The following ASB15 variants were observed in gnomAD, a reference collection of about 807,000 sequenced individuals.
ASB15 encodes the protein ankyrin repeat and SOCS box containing 15.
ASB15 carries 54 observed loss-of-function variants against 58.0 expected under a neutral mutation model. That is an observed-to-expected ratio of 0.93 (90% CI 0.75 to 1.17). ASB15 has a LOEUF of 1.17. Ranked by LOEUF, ASB15 falls within the 50% of genes most tolerant of loss-of-function variation. The pLI, the probability that ASB15 is intolerant of heterozygous loss-of-function variation, is 0.00. For missense variants in ASB15, 680 were observed against 707.4 expected (o/e 0.96, Z 0.44); for synonymous variants, 249 against 262.4 (o/e 0.95, Z 0.50).
intron 1 of ASB15, among the ~76,000 whole-genome samples, chr7:123,592,233 C>G (rs1799559693): frequency 6.6e-6 from 1 of 151,966 alleles, no homozygotes; most frequent in Admixed American, 6.6e-5. Context: ...TTTTGTTGAT[C>G]TTTTCAAAAA....
chr7:123,623,133 G>C (rs770629222), intron 7 of ASB15: 2 of 152,106 alleles, frequency 1.3e-5, no homozygotes, highest in Non-Finnish European at 2.9e-5. Flanking sequence ...TAAACTCTAC[G>C]AGTGAGATCC....
chr7:123,603,539 G>A (rs1799990427), intron 1 of ASB15, among the ~76,000 whole-genome samples: 1 of 150,900 alleles, frequency 6.6e-6, no homozygotes, highest in African/African-American at 2.5e-5. Flanking sequence ...TTTTCTGGGA[G>A]GGTGCAAAAT....
chr7:123,634,983 T>C (rs1802340049), intron 11 of ASB15, among the ~76,000 whole-genome samples: 1 of 152,162 alleles, frequency 6.6e-6, no homozygotes, highest in Admixed American at 6.6e-5. Flanking sequence ...TCAGCAAAGT[T>C]CAGGCTGTGG....
chr7:123,629,489 T>G, intron 10 of ASB15, 55 bp downstream of exon 10: 1 of 1,367,528 alleles, frequency 7.3e-7, no homozygotes, highest in Non-Finnish European at 9.9e-7. Flanking sequence ...TTAATACATG[T>G]TCATTCAATT....
At chr7:123,589,534 T>C (rs1004659827) in intron 1 of ASB15, among the ~76,000 whole-genome samples, 1 of 152,102 alleles carries the variant, frequency 6.6e-6, no homozygotes, top group Non-Finnish European at 1.5e-5. Flanking sequence ...TGTGTTCTCA[T>C]TATTCAACTC....
chr7:123,630,182 A>C (rs1468606767), intron 11 of ASB15, 63 bp downstream of exon 11: 93 of 1,273,146 alleles, frequency 7.3e-5, no homozygotes, highest in Non-Finnish European at 1.0e-4. Flanking sequence ...GAAATTTCTT[A>C]ATGTCTTCTT....
intron 3 of ASB15, among the ~76,000 whole-genome samples, chr7:123,612,981 C>A (rs1015166742): frequency 1.3e-5 from 2 of 151,198 alleles, no homozygotes; most frequent in Non-Finnish European, 2.9e-5. Context: ...CTCTAGGGTG[C>A]CTTTTGAGGA....
At chr7:123,589,837 T>C (rs1372590910) in intron 1 of ASB15, among the ~76,000 whole-genome samples, 1 of 152,230 alleles carries the variant, frequency 6.6e-6, no homozygotes, top group Admixed American at 6.5e-5. Flanking sequence ...ATATACCCAG[T>C]AATGGGATCG....
At chr7:123,570,489 G>C (rs34731479) in intron 1 of ASB15, among the ~76,000 whole-genome samples, 1 of 151,742 alleles carries the variant, frequency 6.6e-6, no homozygotes, top group Non-Finnish European at 1.5e-5. Flanking sequence ...TCCTTGAATG[G>C]CCTTTTCTTT....
At chr7:123,631,765 A>C (rs1562942133) in intron 11 of ASB15, among the ~76,000 whole-genome samples, 1 of 152,166 alleles carries the variant, frequency 6.6e-6, no homozygotes, top group Non-Finnish European at 1.5e-5. Context: ...TAAAAAGTCA[A>C]GAAAACTAAA....
chr7:123,611,459 T>A (rs961322499), intron 3 of ASB15, among the ~76,000 whole-genome samples: 1 of 142,542 alleles, frequency 7.0e-6, no homozygotes, highest in Non-Finnish European at 1.6e-5. Flanking sequence ...CGTACCTAAT[T>A]TTTTTTGTAT....
At chr7:123,602,991 T>C (rs1248127260) in intron 1 of ASB15, among the ~76,000 whole-genome samples, 1 of 152,194 alleles carries the variant, frequency 6.6e-6, no homozygotes, top group Non-Finnish European at 1.5e-5. Flanking sequence ...AATTATGTCA[T>C]AGACGTTAAG....
rs550822805 is a variant in ASB15 at position 123,626,472 on chromosome 7, C to CATAA, written c.698-616_698-613dup. 8.8e-3 allele frequency among the ~76,000 whole-genome samples: 1,340 copies of CATAA among 151,974 alleles called. 11 individuals are homozygous for CATAA. Among genetic ancestry groups the CATAA allele is most frequent in the South Asian group, 0.018 (85 of 4,814 alleles). On this transcript the variant is annotated intron_variant, in intron 8 of 11. Coordinates refer to ENST00000451215, the MANE Select transcript of ASB15 (RefSeq NM_001290258.2). ...GGTCGACAGAGTGAGATTCTGTCAA[C>CATAA]ATAAATAAATAAATAAATAAATAAA... is the stretch of plus-strand genomic sequence containing the variant.
At chr7:123,587,705 A>G (rs1469299522) in intron 1 of ASB15, among the ~76,000 whole-genome samples, 2 of 151,710 alleles carry the variant, frequency 1.3e-5, no homozygotes, top group Non-Finnish European at 3.0e-5. Flanking sequence ...GTTGAGGTAC[A>G]TTCTTTCTAT....
At chr7:123,618,990 A>C (rs1215346118) in intron 7 of ASB15, among the ~76,000 whole-genome samples, 1 of 152,092 alleles carries the variant, frequency 6.6e-6, no homozygotes, top group South Asian at 2.1e-4. Context: ...CCTGGCCAGC[A>C]TGGTGAAACC....
chr7:123,614,613 G>C lies in ASB15; in HGVS notation c.107+4G>C, dbSNP rs1270062951. 1.3e-6 allele frequency: 2 copies of C among 1,571,374 alleles called. No individual in the cohort carries two copies. The highest frequency in any genetic ancestry group is 1.8e-6 in the Non-Finnish European group (2 of 1,142,792). On this transcript the variant is annotated splice_donor_region_variant and intron_variant, in intron 4 of 11. Transcript: ENST00000451215. ...AGACTGCACTTTGTCCTGAAAGGTA[G>C]TATTCAAACCAACTATCCTCAGCAA... is the stretch of plus-strand genomic sequence containing the variant.
In ASB15 at chr7:123,639,008, A is replaced by G. The variant is rs1352291878; in HGVS notation, c.*2027A>G. The G allele has an allele frequency of 6.6e-6, 1 of 152,230 alleles. No homozygotes were observed. Among genetic ancestry groups the G allele is most frequent in the Non-Finnish European group, 1.5e-5 (1 of 68,032 alleles). The allele number at this position is 152,230 out of a possible 1,614,324, so 9.4% of individuals were successfully genotyped here. A position where few individuals can be genotyped will look rare whatever the true frequency, so the allele number is the denominator to read the frequency against. On this transcript the variant is annotated 3_prime_UTR_variant, in exon 12 of 12. Coordinates refer to ENST00000451215, the MANE Select transcript of ASB15 (RefSeq NM_001290258.2). ...TATTGAATAAGTGACAAAAATAATC[A>G]GTGACATCATGGTGAAATAATAGTT...
chr7:123,635,692 T>C (rs1178667740), intron 11 of ASB15, among the ~76,000 whole-genome samples: 2 of 145,846 alleles, frequency 1.4e-5, no homozygotes, highest in South Asian at 2.4e-4. Context: ...GTTTCCATCA[T>C]ACTTTACTGC....
In ASB15 at chr7:123,638,327, C is replaced by T. The variant is rs1324501626; in HGVS notation, c.*1346C>T. On this transcript the variant is annotated 3_prime_UTR_variant, in exon 12 of 12. Transcript: ENST00000451215. ...CTTCTTTAGCCTCATCTCTGGATGT[C>T]TACCTTTCCTCCTTTCCCTTGAACC... The T allele has an allele frequency of 6.6e-6, 1 of 152,164 alleles. No individual in the cohort carries two copies. The highest frequency in any genetic ancestry group is 1.9e-4 in the East Asian group (1 of 5,196). The allele number at this position is 152,164 out of a possible 1,614,324, so 9.4% of individuals were successfully genotyped here.
Sources: gnomAD v4.1 joint callset for allele counts (sites outside exome capture counted in the v4.1 genomes callset) on GRCh38, gnomAD v4.1.1 for gene constraint, MANE v1.5 for transcripts, NCBI Gene and HGNC (gene_info 2026-07-23, HGNC 2026-07-21) for gene names.